NRG3: variants seen among roughly 807,000 people sequenced by gnomAD.
NRG3 encodes the protein pro-neuregulin-3, membrane-bound isoform.
In NRG3, 31 loss-of-function variants were observed where a neutral mutation model predicts 66.9. The ratio of observed to expected loss-of-function variants is 0.46; its 90% CI spans 0.35 to 0.63. NRG3 has a LOEUF of 0.63. NRG3 is among the 20% of genes least tolerant of loss of function. The probability of loss-of-function intolerance (pLI) is 0.00; values close to 1 mark genes in which losing one functional copy is unlikely to be tolerated. For missense variants in NRG3, 910 were observed against 878.9 expected, an observed-to-expected ratio of 1.04 and a Z score of -0.45; for synonymous variants, 393 against 359.4, an observed-to-expected ratio of 1.09 and a Z score of -1.06.
intron 6 of NRG3, among the ~76,000 whole-genome samples, chr10:82,964,936 T>G (rs1006741858): frequency 6.6e-6 from 1 of 152,182 alleles, no homozygotes; most frequent in Non-Finnish European, 1.5e-5. Context: ...GACTGGCCTA[T>G]TGATTTCGGT....
chr10:82,479,734 G>A (rs1339055159), intron 2 of NRG3, among the ~76,000 whole-genome samples: 3 of 150,622 alleles, frequency 2.0e-5, no homozygotes, highest in African/African-American at 4.9e-5. Flanking sequence ...TTGGGAGGCC[G>A]AGGCGGGCGG....
intron 3 of NRG3, among the ~76,000 whole-genome samples, chr10:82,753,043 A>G (rs936296815): frequency 2.6e-5 from 4 of 152,154 alleles, no homozygotes; most frequent in Non-Finnish European, 5.9e-5. Context: ...ATGTGGGTGA[A>G]ATATATGTAC....
At chr10:82,430,411 CCAT>C (rs1164736889) in intron 2 of NRG3, among the ~76,000 whole-genome samples, 23 of 152,056 alleles carry the variant, frequency 1.5e-4, no homozygotes, top group African/African-American at 5.3e-4. Context: ...GCACCCACCA[CCAT>C]GCCTGGCTAA....
chr10:82,856,531 G>A (rs550019112), intron 3 of NRG3, among the ~76,000 whole-genome samples: 38 of 152,126 alleles, frequency 2.5e-4, no homozygotes, highest in Non-Finnish European at 4.3e-4. Flanking sequence ...GATCACTTAA[G>A]GCCAGGAGTT....
intron 1 of NRG3, among the ~76,000 whole-genome samples, chr10:82,347,007 A>C (rs1057147333): frequency 6.2e-4 from 93 of 150,402 alleles, no homozygotes; most frequent in African/African-American, 2.2e-3. Context: ...TGATCCTTTC[A>C]AAAAAACCAG....
intron 2 of NRG3, among the ~76,000 whole-genome samples, chr10:82,410,004 C>T (rs537724153): frequency 6.6e-6 from 1 of 152,284 alleles, no homozygotes; most frequent in Admixed American, 6.5e-5. Context: ...GTAGCTGAGC[C>T]TGCATGGTCT....
intron 1 of NRG3, among the ~76,000 whole-genome samples, chr10:82,271,860 G>T (rs769664487): frequency 6.6e-6 from 1 of 151,964 alleles, no homozygotes; most frequent in Non-Finnish European, 1.5e-5. Flanking sequence ...TTTTCCTGAT[G>T]ATGTTATTAA....
intron 2 of NRG3, among the ~76,000 whole-genome samples, chr10:82,670,739 AAAC>A (rs1336414156): frequency 1.3e-5 from 2 of 152,150 alleles, no homozygotes; most frequent in African/African-American, 2.4e-5. Context: ...AAACAAAACA[AAAC>A]AAAACAAAAA....
At chr10:82,096,185 A>G (rs2066328374) in intron 1 of NRG3, among the ~76,000 whole-genome samples, 1 of 152,190 alleles carries the variant, frequency 6.6e-6, no homozygotes, top group African/African-American at 2.4e-5. Flanking sequence ...GCTAAAAAAT[A>G]CATGAACATG....
intron 1 of NRG3, among the ~76,000 whole-genome samples, chr10:81,949,491 C>T (rs1849140467): frequency 6.6e-6 from 1 of 151,996 alleles, no homozygotes; most frequent in South Asian, 2.1e-4. Context: ...GATCTGCCCT[C>T]TCATGGCCAG....
At chr10:82,193,810 T>A (rs2074296025) in intron 1 of NRG3, among the ~76,000 whole-genome samples, 1 of 152,168 alleles carries the variant, frequency 6.6e-6, no homozygotes, top group African/African-American at 2.4e-5. Context: ...GGTAAACTAT[T>A]GGATAAATAC....
At chr10:82,644,287 CCTCT>C (rs1373663698) in intron 2 of NRG3, among the ~76,000 whole-genome samples, 1 of 152,088 alleles carries the variant, frequency 6.6e-6, no homozygotes, top group Non-Finnish European at 1.5e-5. Flanking sequence ...TGTTGGTTTT[CCTCT>C]CTATCTGCAT....
chr10:82,408,064 A>AGAGC (rs1435093941), intron 2 of NRG3, among the ~76,000 whole-genome samples: 282 of 132,000 alleles, frequency 2.1e-3, no homozygotes, highest in African/African-American at 4.1e-3. Flanking sequence ...AGAGAGAGAG[A>AGAGC]GAGAGAGAGA....
intron 1 of NRG3, among the ~76,000 whole-genome samples, chr10:81,937,748 G>C (rs1284063208): frequency 6.6e-6 from 1 of 152,018 alleles, no homozygotes. Context: ...TTTCAAGTTT[G>C]ATGTAATCCC....
In NRG3 at chr10:82,345,303, C is replaced by G. The variant is rs2082939171; in HGVS notation, c.824-13436C>G. On this transcript the variant is annotated intron_variant, in intron 1 of 8. Transcript: ENST00000372141. ...ATATGGCTAGCTAGTTTTCCAAACACCATTTATTAAATAGGGAATCCTTTC... is the reference window on the plus strand; with the variant it reads ...ATATGGCTAGCTAGTTTTCCAAACAGCATTTATTAAATAGGGAATCCTTTC... 2.8e-5 allele frequency among the ~76,000 whole-genome samples: 4 copies of G among 140,422 alleles called. No individual in the cohort carries two copies. The South Asian group carries it at 8.5e-4, about 30-fold the overall frequency. The allele number at this position is 140,422 out of a possible 152,430, so 92.1% of individuals were successfully genotyped here.
At chr10:82,514,489 C>T (rs994226074) in intron 2 of NRG3, among the ~76,000 whole-genome samples, 14 of 152,170 alleles carry the variant, frequency 9.2e-5, no homozygotes, top group Admixed American at 9.2e-4. Context: ...AAGATCAAAT[C>T]GTTGTAGATG....
chr10:82,028,359 A>G (rs951708857), intron 1 of NRG3, among the ~76,000 whole-genome samples: 1 of 152,074 alleles, frequency 6.6e-6, no homozygotes, highest in Non-Finnish European at 1.5e-5. Flanking sequence ...CCTAACTTAT[A>G]TACTTTGTTG....
chr10:82,516,686 A>T (rs1590433508), intron 2 of NRG3, among the ~76,000 whole-genome samples: 1 of 152,308 alleles, frequency 6.6e-6, no homozygotes, highest in East Asian at 1.9e-4. Flanking sequence ...ATTTAATTAC[A>T]TTTGTACCAG....
At chr10:81,962,832 C>T (rs999931243) in intron 1 of NRG3, among the ~76,000 whole-genome samples, 1 of 152,152 alleles carries the variant, frequency 6.6e-6, no homozygotes, top group Non-Finnish European at 1.5e-5. Context: ...CAGGGTCTGT[C>T]CTCTTGTTTT....
Sources: allele counts gnomAD v4.1 joint callset (sites outside exome capture counted in the v4.1 genomes callset), GRCh38; gene constraint gnomAD v4.1.1; transcripts MANE v1.5; gene names NCBI Gene and HGNC (gene_info 2026-07-23, HGNC 2026-07-21).